The following XKR9 variants were observed in gnomAD, a reference collection of about 807,000 sequenced individuals.
XKR9 encodes the protein XK related 9, also known as XK-related protein 9.
A neutral mutation model predicts 32.0 loss-of-function variants in XKR9; 32 were observed. That is an observed-to-expected ratio of 1.00 (90% CI 0.76 to 1.34). The LOEUF is 1.34. XKR9 is among the 40% of genes most tolerant of loss of function. The pLI, the probability that XKR9 is intolerant of heterozygous loss-of-function variation, is 0.00. For synonymous variants in XKR9, 168 were observed against 143.4 expected (o/e 1.17, Z -1.22); for missense variants, 546 against 429.7 (o/e 1.27, Z -2.39).
the XKR9 span, among the ~76,000 whole-genome samples, chr8:70,946,245 A>G: frequency 2.0e-5 from 3 of 152,326 alleles, no homozygotes; most frequent in Non-Finnish European, 4.4e-5. Context: ...TGCAGCAGAC[A>G]CTATAGATAT....
chr8:71,009,122 G>T, the XKR9 span, among the ~76,000 whole-genome samples: 1 of 152,068 alleles, frequency 6.6e-6, no homozygotes, highest in African/African-American at 2.4e-5. Flanking sequence ...CAGCACTATG[G>T]GATGTGGGGT....
chr8:70,913,513 A>G, the XKR9 span, among the ~76,000 whole-genome samples: 4 of 152,202 alleles, frequency 2.6e-5, no homozygotes, highest in Non-Finnish European at 5.9e-5. Flanking sequence ...GAATTTATCA[A>G]AAAGAAAAAC....
intron 4 of XKR9, among the ~76,000 whole-genome samples, chr8:70,710,144 A>G (rs1805861624): frequency 6.6e-6 from 1 of 152,146 alleles, no homozygotes; most frequent in Non-Finnish European, 1.5e-5. Flanking sequence ...CCTCATACCT[A>G]CAACCATCTG....
At chr8:70,685,907 TTAAA>T (rs1457120312) in intron 3 of XKR9, among the ~76,000 whole-genome samples, 2 of 150,808 alleles carry the variant, frequency 1.3e-5, no homozygotes, top group East Asian at 3.9e-4. Context: ...AAAATTATAT[TTAAA>T]TAATTTAAAT....
At chr8:70,701,219 C>G (rs113231090) in intron 3 of XKR9, among the ~76,000 whole-genome samples, 1 of 152,188 alleles carries the variant, frequency 6.6e-6, no homozygotes, top group Non-Finnish European at 1.5e-5. Context: ...CTCTGGCACT[C>G]CCTAGTGAGA....
chr8:70,891,502 G>T, the XKR9 span, among the ~76,000 whole-genome samples: 1 of 151,422 alleles, frequency 6.6e-6, no homozygotes, highest in South Asian at 2.1e-4. Context: ...TTTTTTATTT[G>T]TTTCATGAAA....
the XKR9 span, among the ~76,000 whole-genome samples, chr8:70,825,533 A>T: frequency 6.6e-6 from 1 of 152,206 alleles, no homozygotes; most frequent in Admixed American, 6.5e-5. Flanking sequence ...TCTTGGAAAA[A>T]TTATCTTTGT....
At chr8:70,994,213 C>T in the XKR9 span, among the ~76,000 whole-genome samples, 1 of 152,142 alleles carries the variant, frequency 6.6e-6, no homozygotes, top group Admixed American at 6.5e-5. Context: ...CCCTTGTTTT[C>T]TTTACATAGA....
the XKR9 span, among the ~76,000 whole-genome samples, chr8:70,994,893 G>T: frequency 1.3e-5 from 2 of 152,108 alleles, no homozygotes; most frequent in Non-Finnish European, 2.9e-5. Context: ...AAATGAAAAG[G>T]TCTTTGTGTT....
At chr8:70,822,784 A>T in the XKR9 span, among the ~76,000 whole-genome samples, 2 of 152,046 alleles carry the variant, frequency 1.3e-5, no homozygotes, top group Admixed American at 1.3e-4. Context: ...ATGCAAACAG[A>T]GCAGACTCTC....
chr8:70,693,773 A>G (rs889767010), intron 3 of XKR9, among the ~76,000 whole-genome samples: 3 of 152,112 alleles, frequency 2.0e-5, no homozygotes, highest in African/African-American at 7.2e-5. Flanking sequence ...CTTGTGGGAA[A>G]TTGGTTGGCC....
chr8:70,773,882 A>C (rs1807485319), intron 2 of XKR9, among the ~76,000 whole-genome samples: 1 of 152,194 alleles, frequency 6.6e-6, no homozygotes. Flanking sequence ...ATTGGCTGTT[A>C]GAATAGGGTC....
the XKR9 span, among the ~76,000 whole-genome samples, chr8:70,936,828 G>T: frequency 6.6e-6 from 1 of 151,872 alleles, no homozygotes; most frequent in Non-Finnish European, 1.5e-5. Context: ...GTCCAAAGCC[G>T]CTTCTTTAAA....
At chr8:70,795,968 G>A in the XKR9 span, among the ~76,000 whole-genome samples, 8 of 151,924 alleles carry the variant, frequency 5.3e-5, no homozygotes, top group Non-Finnish European at 5.9e-5. Flanking sequence ...TATCAGTTAA[G>A]TCATTTGGTA....
At chr8:71,000,263 T>C in the XKR9 span, among the ~76,000 whole-genome samples, 4 of 152,190 alleles carry the variant, frequency 2.6e-5, no homozygotes, top group South Asian at 6.2e-4. Context: ...GAGAAATAAA[T>C]GGTTAGAGCT....
chr8:70,760,599 G>C (rs1807294521), intron 2 of XKR9, among the ~76,000 whole-genome samples: 1 of 152,156 alleles, frequency 6.6e-6, no homozygotes, highest in African/African-American at 2.4e-5. Flanking sequence ...CCTTAGATGG[G>C]AGTACAGGCA....
At chr8:70,800,764 G>GT in the XKR9 span, among the ~76,000 whole-genome samples, 1 of 152,136 alleles carries the variant, frequency 6.6e-6, no homozygotes, top group Non-Finnish European at 1.5e-5. Context: ...GGGATTACAG[G>GT]TGTGAGCCAC....
chr8:70,950,460 C>T, the XKR9 span, among the ~76,000 whole-genome samples: 19 of 152,118 alleles, frequency 1.2e-4, no homozygotes, highest in African/African-American at 4.1e-4. Context: ...AGCAAAGGTC[C>T]GGCTCTGGGC....
chr8:70,818,287 C>T, the XKR9 span, among the ~76,000 whole-genome samples: 1 of 151,668 alleles, frequency 6.6e-6, no homozygotes, highest in African/African-American at 2.4e-5. Flanking sequence ...CCCTGGTCAT[C>T]TCATCTAATT....
Sources: allele counts gnomAD v4.1 joint callset (sites outside exome capture counted in the v4.1 genomes callset), GRCh38; gene constraint gnomAD v4.1.1; transcripts MANE v1.5; gene names NCBI Gene and HGNC (gene_info 2026-07-23, HGNC 2026-07-21).